NCAM2: variants seen among roughly 807,000 people sequenced by gnomAD.
NCAM2 encodes the protein N-CAM-2.
In NCAM2, 30 loss-of-function variants were observed where a neutral mutation model predicts 98.1. That is an observed-to-expected ratio of 0.31 (90% confidence interval 0.23 to 0.41). The LOEUF is 0.41. NCAM2 is among the 10% of genes least tolerant of loss of function. The pLI is 1.00. For missense variants in NCAM2, 867 were observed against 1,005.8 expected, an observed-to-expected ratio of 0.86 and a Z score of 1.87; for synonymous variants, 368 against 342.4, an observed-to-expected ratio of 1.07 and a Z score of -0.83.
intron 4 of NCAM2, among the ~76,000 whole-genome samples, chr21:21,291,883 AT>A (rs934889454): frequency 1.7e-4 from 24 of 140,170 alleles, no homozygotes; most frequent in African/African-American, 5.0e-4. Flanking sequence ...AATGTATTTT[AT>A]TTTATTCTTT....
intron 5 of NCAM2, among the ~76,000 whole-genome samples, chr21:21,300,797 T>C (rs1265106705): frequency 1.3e-5 from 2 of 152,020 alleles, no homozygotes; most frequent in African/African-American, 4.8e-5. Context: ...TTTTTTTCTC[T>C]ATCCCTTTAG....
chr21:21,398,765 G>T (rs1209467450), intron 9 of NCAM2, among the ~76,000 whole-genome samples: 1 of 152,160 alleles, frequency 6.6e-6, no homozygotes, highest in South Asian at 2.1e-4. Flanking sequence ...AATATTGAGA[G>T]ACATGAATGA....
intron 15 of NCAM2, among the ~76,000 whole-genome samples, chr21:21,506,735 A>G: frequency 6.6e-6 from 1 of 152,158 alleles, no homozygotes; most frequent in East Asian, 1.9e-4. Flanking sequence ...TAGCTAAGCA[A>G]TTTTACTAAA....
intron 1 of NCAM2, among the ~76,000 whole-genome samples, chr21:21,073,540 A>G (rs576972657): frequency 6.6e-5 from 10 of 152,210 alleles, no homozygotes; most frequent in Non-Finnish European, 1.3e-4. Flanking sequence ...CCTCACTCAT[A>G]ACACATTCAG....
At chr21:21,246,401 A>G (rs1249900913) in intron 1 of NCAM2, among the ~76,000 whole-genome samples, 1 of 152,182 alleles carries the variant, frequency 6.6e-6, no homozygotes, top group Non-Finnish European at 1.5e-5. Context: ...GAAATAGATA[A>G]TATAGTGGAT....
chr21:21,465,640 A>T (rs1983588779), intron 12 of NCAM2, among the ~76,000 whole-genome samples: 1 of 151,980 alleles, frequency 6.6e-6, no homozygotes, highest in African/African-American at 2.4e-5. Context: ...GTAAAACTAT[A>T]GTTCTGCAAA....
intron 10 of NCAM2, among the ~76,000 whole-genome samples, chr21:21,415,627 G>T (rs565482237): frequency 7.9e-5 from 12 of 152,082 alleles, no homozygotes; most frequent in African/African-American, 2.9e-4. Context: ...GAGCCACCTC[G>T]CCCGGCCCTT....
intron 5 of NCAM2, among the ~76,000 whole-genome samples, chr21:21,299,339 A>G (rs549765125): frequency 6.6e-6 from 1 of 151,496 alleles, no homozygotes; most frequent in South Asian, 2.1e-4. Context: ...ATGGCTTTTA[A>G]TAAAAGCATA....
intron 15 of NCAM2, among the ~76,000 whole-genome samples, chr21:21,499,430 A>G (rs1346130504): frequency 2.6e-5 from 4 of 152,114 alleles, no homozygotes; most frequent in Admixed American, 2.6e-4. Flanking sequence ...TATAGTAGAG[A>G]CAGGGTTTCA....
At chr21:21,081,756 T>C (rs141573445) in intron 1 of NCAM2, among the ~76,000 whole-genome samples, 2 of 151,240 alleles carry the variant, frequency 1.3e-5, no homozygotes, top group African/African-American at 4.9e-5. Flanking sequence ...AGCCGAGATC[T>C]TGCCACTGCA....
intron 8 of NCAM2, among the ~76,000 whole-genome samples, chr21:21,347,441 A>G (rs2075221034): frequency 6.6e-6 from 1 of 152,080 alleles, no homozygotes; most frequent in South Asian, 2.1e-4. Context: ...AGTAACCAAA[A>G]CAGCATGGTA....
intron 1 of NCAM2, among the ~76,000 whole-genome samples, chr21:21,002,195 AAAG>A (rs1290549016): frequency 6.6e-6 from 1 of 152,090 alleles, no homozygotes; most frequent in Non-Finnish European, 1.5e-5. Flanking sequence ...ACTTCATATC[AAAG>A]GAGTTAGGCA....
chr21:21,342,402 A>G (rs1032447706), intron 8 of NCAM2, among the ~76,000 whole-genome samples: 2 of 152,188 alleles, frequency 1.3e-5, no homozygotes, highest in Non-Finnish European at 2.9e-5. Flanking sequence ...AGGAGGTTCA[A>G]CTTTGCTGAG....
intron 1 of NCAM2, among the ~76,000 whole-genome samples, chr21:21,075,342 T>A (rs866146555): frequency 1.3e-5 from 2 of 152,250 alleles, no homozygotes; most frequent in African/African-American, 2.4e-5. Context: ...ATAATTTTTT[T>A]AAAAAAGGAA....
At chr21:21,169,614 T>C (rs1179515224) in intron 1 of NCAM2, among the ~76,000 whole-genome samples, 1 of 152,042 alleles carries the variant, frequency 6.6e-6, no homozygotes, top group Non-Finnish European at 1.5e-5. Context: ...AATAACTTGA[T>C]TAAAAATGGT....
intron 8 of NCAM2, 145 bp downstream of exon 8, chr21:21,338,679 C>A: frequency 1.2e-6 from 1 of 835,664 alleles, no homozygotes; most frequent in Non-Finnish European, 1.8e-6. Context: ...GTAACTAACA[C>A]AATGTCGGCT....
chr21:21,281,183 G>T (rs931659218), intron 2 of NCAM2, among the ~76,000 whole-genome samples: 2 of 152,036 alleles, frequency 1.3e-5, no homozygotes, highest in Non-Finnish European at 2.9e-5. Context: ...TGTTAATTTA[G>T]ACTGCTAATC....
At chr21:21,092,346 G>A (rs1339791239) in intron 1 of NCAM2, among the ~76,000 whole-genome samples, 1 of 151,750 alleles carries the variant, frequency 6.6e-6, no homozygotes, top group African/African-American at 2.4e-5. Context: ...TTTGGGTGGA[G>A]TATAAATTTA....
At chr21:21,065,891 A>G (rs2065426644) in intron 1 of NCAM2, among the ~76,000 whole-genome samples, 1 of 152,116 alleles carries the variant, frequency 6.6e-6, no homozygotes, top group South Asian at 2.1e-4. Flanking sequence ...TAATTCACTA[A>G]CTCTTAGCTA....
Sources: gnomAD v4.1 joint callset for allele counts (sites outside exome capture counted in the v4.1 genomes callset) on GRCh38, gnomAD v4.1.1 for gene constraint, MANE v1.5 for transcripts, NCBI Gene and HGNC (gene_info 2026-07-23, HGNC 2026-07-21) for gene names.